Variants in AK8 observed in about 807,000 individuals in gnomAD.
AK8 encodes the protein adenylate kinase 8.
AK8 carries 44 observed loss-of-function variants against 54.6 expected under a neutral mutation model. That is an observed-to-expected ratio of 0.81 (90% CI 0.63 to 1.04). AK8 has a LOEUF of 1.04. Ranked by LOEUF, AK8 falls within the 50% of genes least tolerant of loss-of-function variation. The pLI is 0.00. For synonymous variants in AK8, 239 were observed against 245.6 expected, an observed-to-expected ratio of 0.97 and a Z score of 0.25; for missense variants, 555 against 613.6, an observed-to-expected ratio of 0.90 and a Z score of 1.01.
At chr9:132,816,410 C>G (rs1483456696) in intron 9 of AK8, among the ~76,000 whole-genome samples, 1 of 151,448 alleles carries the variant, frequency 6.6e-6, no homozygotes, top group Non-Finnish European at 1.5e-5. Flanking sequence ...AGAACTGAGA[C>G]AATTCTGTGT....
intron 11 of AK8, among the ~76,000 whole-genome samples, chr9:132,759,473 T>A (rs1838349521): frequency 1.3e-5 from 2 of 152,242 alleles, no homozygotes; most frequent in Non-Finnish European, 2.9e-5. Flanking sequence ...TTTTCTTTTG[T>A]TGTTTACGCT....
rs183080131 is a variant in AK8, at chr9:132,810,386, C to T, written c.979+4252G>A. 4.1e-3 allele frequency among the ~76,000 whole-genome samples: 616 copies of T among 150,786 alleles called. 4 individuals are homozygous for T. The highest frequency in any genetic ancestry group is 0.014 in the African/African-American group (581 of 41,254). On this transcript the variant is annotated intron_variant, in intron 10 of 12. Transcript: ENST00000298545. ...CATCCCCCAAATAACAAAAAACAAACACAAAAACGACTCTGCGCCTGGACC... is the reference window on the plus strand; with the variant it reads ...CATCCCCCAAATAACAAAAAACAAATACAAAAACGACTCTGCGCCTGGACC...
chr9:132,759,161 A>G (rs142515578), intron 11 of AK8, among the ~76,000 whole-genome samples: 3 of 146,870 alleles, frequency 2.0e-5, no homozygotes, highest in African/African-American at 7.6e-5. Flanking sequence ...ACGCCACTGC[A>G]CTCCAGCCTG....
At chr9:132,734,904 G>A (rs576409234) in intron 11 of AK8, among the ~76,000 whole-genome samples, 3 of 152,250 alleles carry the variant, frequency 2.0e-5, no homozygotes, top group East Asian at 1.9e-4. Context: ...GGTGGCATGC[G>A]CCTGTAGTCC....
chr9:132,872,514 G>A (rs1176542023), intron 2 of AK8, among the ~76,000 whole-genome samples: 3 of 152,180 alleles, frequency 2.0e-5, no homozygotes, highest in Non-Finnish European at 2.9e-5. Context: ...CTGGAATGCA[G>A]TGGGTATTCA....
At position 132,843,039 on chromosome 9, in the gene AK8, C is replaced by T. The variant is rs117168342; in HGVS notation, c.402+11818G>A. The stretch of plus-strand genomic sequence containing the variant: ...CTTTGCCACATTCAGCTGGTCCTGC[C>T]CCCACTCAAGGGGAGGGGATTACAT... On this transcript the variant is annotated intron_variant, in intron 5 of 12. Transcript: ENST00000298545. Among the ~76,000 whole-genome samples the T allele has an allele frequency of 5.4e-3, 829 of 152,276 alleles. 5 individuals are homozygous for T. The highest frequency in any genetic ancestry group is 0.031 in the Middle Eastern group (9 of 294).
intron 8 of AK8, among the ~76,000 whole-genome samples, chr9:132,825,126 C>T (rs903333113): frequency 4.6e-5 from 7 of 152,156 alleles, no homozygotes; most frequent in African/African-American, 1.7e-4. Flanking sequence ...GGCAAAGCAG[C>T]CTGCTTACAA....
chr9:132,853,521 T>C (rs150783986), intron 5 of AK8, among the ~76,000 whole-genome samples: 312 of 151,346 alleles, frequency 2.1e-3, no homozygotes, highest in Non-Finnish European at 3.7e-3. Flanking sequence ...GGAGGCTGGG[T>C]GTGGCGGCTC....
rs1031655577 is a variant in AK8, at chr9:132,790,653, C to T, written c.1121+1981G>A. 3.3e-5 allele frequency among the ~76,000 whole-genome samples: 5 copies of T among 152,220 alleles called. No individual in the cohort carries two copies. Among genetic ancestry groups the T allele is most frequent in the African/African-American group, 7.2e-5 (3 of 41,548 alleles). On this transcript the variant is annotated intron_variant, in intron 11 of 12. Coordinates refer to ENST00000298545, the MANE Select transcript of AK8 (RefSeq NM_152572.3). This position sits in a 1 kb window ranked among gnomAD's most constrained non-coding sequence, Gnocchi z 4.1. The stretch of plus-strand genomic sequence containing the variant: ...AGCCCTTATGGTCAGGAAAAACCAC[C>T]GTGTCGATCATGACACCCTGTTCTG...
At chr9:132,748,535 T>C (rs892816467) in intron 11 of AK8, among the ~76,000 whole-genome samples, 2 of 151,878 alleles carry the variant, frequency 1.3e-5, no homozygotes, top group Non-Finnish European at 2.9e-5. Context: ...AAGATGTTCA[T>C]TCATTCATTC....
At chr9:132,812,553 C>CCGCCGCGCCCACTGGGATGACGGGTGAGA (rs1564415151) in intron 10 of AK8, among the ~76,000 whole-genome samples, 3 of 140,878 alleles carry the variant, frequency 2.1e-5, no homozygotes, top group East Asian at 3.9e-4. Context: ...GACGGGTGAG[C>CCGCCGCGCCCACTGGGATGACGGGTGAGA]CGCCGCGCCC....
intron 2 of AK8, among the ~76,000 whole-genome samples, chr9:132,869,926 C>A (rs1843744460): frequency 6.6e-6 from 1 of 152,102 alleles, no homozygotes; most frequent in East Asian, 1.9e-4. Flanking sequence ...CAGTGGGGAA[C>A]CTGGGTCCAC....
At chr9:132,742,267 C>T (rs1285761634) in intron 11 of AK8, among the ~76,000 whole-genome samples, 1 of 151,656 alleles carries the variant, frequency 6.6e-6, no homozygotes, top group Admixed American at 6.6e-5. Flanking sequence ...TTCGACCTTC[C>T]GGGCTCAAGC....
intron 5 of AK8, among the ~76,000 whole-genome samples, chr9:132,846,007 A>G (rs1427570733): frequency 6.6e-6 from 1 of 152,294 alleles, no homozygotes; most frequent in East Asian, 1.9e-4. Flanking sequence ...TGCGGCTTCA[A>G]GGGCGTGTAT....
At chr9:132,865,994 C>T (rs113626517) in intron 3 of AK8, among the ~76,000 whole-genome samples, 17,703 of 151,448 alleles carry the variant, frequency 0.12, 2,201 homozygotes, top group African/African-American at 0.31. Flanking sequence ...GGTCAGGAGT[C>T]CAATACCAGC....
chr9:132,730,014 G>A (rs994856338), intron 11 of AK8, among the ~76,000 whole-genome samples: 1 of 152,174 alleles, frequency 6.6e-6, no homozygotes, highest in African/African-American at 2.4e-5. Flanking sequence ...AGAGTCGTGT[G>A]TTTTCAGCGG....
At chr9:132,854,727 C>T in intron 5 of AK8, 130 bp downstream of exon 5, 2 of 935,830 alleles carry the variant, frequency 2.1e-6, no homozygotes, top group South Asian at 1.5e-5. Flanking sequence ...GACTGACCTT[C>T]ACGGAGTTCC....
At chr9:132,734,233 C>T (rs1836993311) in intron 11 of AK8, among the ~76,000 whole-genome samples, 1 of 152,182 alleles carries the variant, frequency 6.6e-6, no homozygotes. Context: ...CCAAAACCTC[C>T]AGGTGAGGGG....
At chr9:132,828,932 T>C (rs1841993955) in intron 5 of AK8, among the ~76,000 whole-genome samples, 1 of 152,048 alleles carries the variant, frequency 6.6e-6, no homozygotes, top group South Asian at 2.1e-4. Flanking sequence ...GTGATTATAA[T>C]CATAACATAT....
Sources: gnomAD v4.1 joint callset for allele counts (sites outside exome capture counted in the v4.1 genomes callset) on GRCh38, gnomAD v4.1.1 for gene constraint, Gnocchi (gnomAD v3.1) non-coding constraint, MANE v1.5 for transcripts, NCBI Gene and HGNC (gene_info 2026-07-23, HGNC 2026-07-21) for gene names.